The following ERGIC1 variants were observed in gnomAD, a reference collection of about 807,000 sequenced individuals.
ERGIC1 encodes the protein endoplasmic reticulum-Golgi intermediate compartment protein 1.
A neutral mutation model predicts 38.3 loss-of-function variants in ERGIC1; 19 were observed. The ratio of observed to expected loss-of-function variants is 0.50; its 90% CI spans 0.35 to 0.73. The LOEUF is 0.73. Ranked by LOEUF, ERGIC1 falls within the 30% of genes least tolerant of loss-of-function variation. The probability of loss-of-function intolerance (pLI) is 0.01; values close to 1 mark genes in which losing one functional copy is unlikely to be tolerated. For synonymous variants in ERGIC1, 124 were observed against 157.6 expected (o/e 0.79, Z 1.60); for missense variants, 294 against 389.2 (o/e 0.76, Z 2.06).
At chr5:172,873,048 C>T (rs1446038822) in intron 1 of ERGIC1, among the ~76,000 whole-genome samples, 2 of 152,194 alleles carry the variant, frequency 1.3e-5, no homozygotes, top group Non-Finnish European at 2.9e-5. Context: ...CCGTGCCTGG[C>T]GGGGAGCCAC....
intron 8 of ERGIC1, 133 bp downstream of exon 8, chr5:172,932,669 G>A: frequency 1.2e-6 from 1 of 856,166 alleles, no homozygotes; most frequent in Non-Finnish European, 1.8e-6. Flanking sequence ...GGGTTAGCTT[G>A]GGCCAGGCGC....
At chr5:172,906,101 T>G (rs1329202931) in intron 3 of ERGIC1, 1 of 456,086 alleles carries the variant, frequency 2.2e-6, no homozygotes, top group African/African-American at 2.0e-5. Context: ...CCTGGGCTCC[T>G]GTTTGCCTCT....
chr5:172,867,054 A>T (rs1361884552), intron 1 of ERGIC1: 3 of 416,188 alleles, frequency 7.2e-6, no homozygotes, highest in Non-Finnish European at 1.5e-5. Context: ...GATGGAGATG[A>T]TGCAGATGGA....
intron 5 of ERGIC1, chr5:172,920,284 A>T: frequency 1.4e-6 from 1 of 716,316 alleles, no homozygotes. Context: ...CTGTGATGGC[A>T]AGGTCAGCAG....
intron 7 of ERGIC1, among the ~76,000 whole-genome samples, chr5:172,928,673 TATATGATCGATG>T (rs67282654): frequency 0.37 from 56,367 of 151,962 alleles, 10,779 homozygotes; most frequent in Non-Finnish European, 0.4. Context: ...GTATAGTAGG[TATATGATCGATG>T]ATAAGAGGCC....
chr5:172,932,789 G>A (rs1454469801), intron 8 of ERGIC1: 2 of 498,602 alleles, frequency 4.0e-6, no homozygotes, highest in African/African-American at 4.2e-5. Flanking sequence ...CAAAGAGCAG[G>A]TAGTCTCTGT....
intron 1 of ERGIC1, among the ~76,000 whole-genome samples, chr5:172,876,567 G>A (rs908136928): frequency 1.3e-5 from 2 of 152,162 alleles, no homozygotes; most frequent in Non-Finnish European, 2.9e-5. Context: ...TTATTAAAAT[G>A]TTTTATTCAG....
chr5:172,879,674 C>T (rs1762232726), intron 1 of ERGIC1, among the ~76,000 whole-genome samples: 2 of 152,336 alleles, frequency 1.3e-5, no homozygotes, highest in East Asian at 1.9e-4. Context: ...GCCATCAAGG[C>T]GGTGGCTGTG....
Position 172,888,732 on chromosome 5 carries a change from T to TA in ERGIC1, c.55dup (p.Thr19AsnfsTer42). 1 of 1,614,012 alleles carries TA rather than the reference T, an allele frequency of 6.2e-7. No homozygotes were observed. Among genetic ancestry groups the TA allele is most frequent in the Non-Finnish European group, 8.5e-7 (1 of 1,180,030 alleles). ...TCTACAGGAAGGTGCCCAAGGACCTTACGCAGCCAACGTACACCGGGGCCA... is the reference window on the plus strand; with the variant it reads ...TCTACAGGAAGGTGCCCAAGGACCTTAACGCAGCCAACGTACACCGGGGCCA... On this transcript the variant is annotated frameshift_variant, in exon 2 of 10. Transcript: ENST00000393784. LOFTEE classifies it high-confidence loss of function.
At chr5:172,891,360 C>T (rs1474548092) in intron 2 of ERGIC1, among the ~76,000 whole-genome samples, 1 of 152,196 alleles carries the variant, frequency 6.6e-6, no homozygotes, top group African/African-American at 2.4e-5. Context: ...TCCCTCTTCT[C>T]CATCTCTGCA....
At chr5:172,880,772 C>T (rs185062822) in intron 1 of ERGIC1, among the ~76,000 whole-genome samples, 2 of 152,314 alleles carry the variant, frequency 1.3e-5, no homozygotes, top group East Asian at 3.9e-4. Context: ...CCGTGAGGAG[C>T]GTTGAGGGCA....
intron 1 of ERGIC1, among the ~76,000 whole-genome samples, chr5:172,849,425 CCATTATGTTCCCA>C (rs1305187608): frequency 1.3e-5 from 2 of 152,116 alleles, no homozygotes; most frequent in Non-Finnish European, 2.9e-5. Flanking sequence ...AAGGGTTCCC[CCATTATGTTCCCA>C]GCGTAACTCT....
intron 5 of ERGIC1, 103 bp downstream of exon 5, chr5:172,914,941 A>T: frequency 6.4e-7 from 1 of 1,550,820 alleles, no homozygotes. Context: ...CCTGACCCTG[A>T]CACAGCCCCC....
At chr5:172,915,454 G>A (rs140523917) in intron 5 of ERGIC1, 55 of 414,476 alleles carry the variant, frequency 1.3e-4, no homozygotes, top group African/African-American at 1.1e-3. Context: ...GAGATGAGGT[G>A]GGCTTGAAAG....
At chr5:172,946,600 C>T (rs1296209930) in intron 9 of ERGIC1, among the ~76,000 whole-genome samples, 1 of 152,214 alleles carries the variant, frequency 6.6e-6, no homozygotes, top group Non-Finnish European at 1.5e-5. Context: ...GTATGGTGAC[C>T]TTCTAAGACG....
chr5:172,849,852 A>AG (rs1375167584), intron 1 of ERGIC1, among the ~76,000 whole-genome samples: 2 of 152,214 alleles, frequency 1.3e-5, no homozygotes, highest in African/African-American at 4.8e-5. Flanking sequence ...GCAGGGGAAC[A>AG]GGGGTGGGTA....
chr5:172,904,995 G>T (rs923325820), intron 3 of ERGIC1, among the ~76,000 whole-genome samples: 1 of 152,144 alleles, frequency 6.6e-6, no homozygotes, highest in Non-Finnish European at 1.5e-5. Context: ...CCTGTTCTCT[G>T]CTTATTCTGG....
chr5:172,864,034 G>A (rs924777856), intron 1 of ERGIC1, among the ~76,000 whole-genome samples: 6 of 151,910 alleles, frequency 3.9e-5, no homozygotes, highest in African/African-American at 1.2e-4. Context: ...CTCTCTACTA[G>A]AAATACAAAA....
intron 1 of ERGIC1, chr5:172,867,430 T>A (rs1194597193): frequency 2.5e-6 from 1 of 393,634 alleles, no homozygotes. Context: ...CTTTTCCCTG[T>A]CCCTATTTCC....
Sources: gnomAD v4.1 joint callset for allele counts (sites outside exome capture counted in the v4.1 genomes callset) on GRCh38, gnomAD v4.1.1 for gene constraint, MANE v1.5 for transcripts, NCBI Gene and HGNC (gene_info 2026-07-23, HGNC 2026-07-21) for gene names.